Variants in TRIQK observed in about 807,000 individuals in gnomAD.
The protein encoded by TRIQK is triple QxxK/R motif containing.
Under a neutral mutation model 10.8 loss-of-function variants are expected in TRIQK, and 10 were observed. The ratio of observed to expected loss-of-function variants is 0.92; its 90% CI spans 0.57 to 1.57. The LOEUF (loss-of-function observed/expected upper bound fraction) is 1.57, where lower values mean the gene tolerates loss of function less well. Among genes scored for constraint, TRIQK ranks in the 40% most tolerant of loss-of-function variants. The pLI is 0.00. For missense variants in TRIQK, 107 were observed against 97.7 expected, an observed-to-expected ratio of 1.09 and a Z score of -0.40; for synonymous variants, 33 against 33.7, an observed-to-expected ratio of 0.98 and a Z score of 0.07.
intron 1 of TRIQK, chr8:92,965,598 C>T (rs1053377849): frequency 1.3e-5 from 2 of 152,332 alleles, no homozygotes; most frequent in African/African-American, 4.8e-5. Context: ...ACAAAGGAGC[C>T]AATCCCGAGC....
At chr8:92,918,071 T>C (rs1809963507) in intron 2 of TRIQK, among the ~76,000 whole-genome samples, 1 of 151,294 alleles carries the variant, frequency 6.6e-6, no homozygotes, top group Admixed American at 6.6e-5. Flanking sequence ...TTTATAAGGC[T>C]GAATAATATT....
intron 1 of TRIQK, among the ~76,000 whole-genome samples, chr8:92,971,714 C>T (rs774817531): frequency 1.3e-5 from 2 of 152,094 alleles, no homozygotes; most frequent in African/African-American, 2.4e-5. Flanking sequence ...TGAAAATGGC[C>T]ATATTGCCCA....
intron 1 of TRIQK, chr8:92,972,872 C>G (rs1237179613): frequency 1.3e-5 from 2 of 152,196 alleles, no homozygotes; most frequent in East Asian, 3.8e-4. Flanking sequence ...TCTACTATTG[C>G]TGTCCTGAAA....
intron 4 of TRIQK, among the ~76,000 whole-genome samples, chr8:92,890,393 GT>G (rs1816701776): frequency 6.6e-6 from 1 of 151,660 alleles, no homozygotes; most frequent in Admixed American, 6.6e-5. Flanking sequence ...TCTGCTGTCA[GT>G]TTGAAAGTTT....
At chr8:92,947,639 A>T (rs1811626138) in intron 2 of TRIQK, among the ~76,000 whole-genome samples, 1 of 146,502 alleles carries the variant, frequency 6.8e-6, no homozygotes, top group Non-Finnish European at 1.5e-5. Context: ...GCCCTTCACT[A>T]TTTTTCATTC....
intron 1 of TRIQK, among the ~76,000 whole-genome samples, chr8:92,980,931 C>T: frequency 6.7e-6 from 1 of 149,992 alleles, no homozygotes; most frequent in African/African-American, 2.4e-5. Flanking sequence ...TAATTTATTT[C>T]TGGTTTTTCT....
At chr8:93,011,195 C>G (rs957548606) in intron 1 of TRIQK, among the ~76,000 whole-genome samples, 1 of 121,880 alleles carries the variant, frequency 8.2e-6, no homozygotes, top group East Asian at 2.2e-4. Context: ...CACACACACA[C>G]ACACACACAC....
chr8:93,002,787 G>A (rs1813226939), intron 1 of TRIQK, among the ~76,000 whole-genome samples: 1 of 151,920 alleles, frequency 6.6e-6, no homozygotes, highest in South Asian at 2.1e-4. Flanking sequence ...GGGTGTGGTA[G>A]GGGGAGTCTG....
At chr8:92,971,407 G>T (rs1288159965) in intron 1 of TRIQK, among the ~76,000 whole-genome samples, 2 of 152,086 alleles carry the variant, frequency 1.3e-5, no homozygotes, top group Non-Finnish European at 2.9e-5. Flanking sequence ...CATTGTCTCA[G>T]CCCAAAAGCT....
rs1044820688 is a variant in TRIQK, at chr8:92,966,103, C to T, written c.-277G>A. 5 of 152,476 alleles carry T rather than the reference C, an allele frequency of 3.3e-5. No homozygotes were observed. Among genetic ancestry groups the T allele is most frequent in the African/African-American group, 1.2e-4 (5 of 41,484 alleles). 9.4% of individuals were successfully genotyped at this position (152,476 alleles called of 1,614,324 possible). A position where few individuals can be genotyped will look rare whatever the true frequency, so the allele number is the denominator to read the frequency against. ...ACTCAGGGGCAGGGGCGGGACAAGC[C>T]AGCCGCACACCCCTACTCCCAAAGG... On this transcript the variant is annotated 5_prime_UTR_variant, in exon 1 of 5. Coordinates refer to ENST00000521988, the MANE Select transcript of TRIQK (RefSeq NM_001171797.2).
At chr8:92,900,678 C>T (rs1808887664) in intron 3 of TRIQK, among the ~76,000 whole-genome samples, 1 of 152,008 alleles carries the variant, frequency 6.6e-6, no homozygotes, top group Non-Finnish European at 1.5e-5. Context: ...TAATGTGATT[C>T]TTCCAGTTTT....
chr8:92,970,780 T>C (rs1275197320), upstream of TRIQK, among the ~76,000 whole-genome samples: 1 of 152,198 alleles, frequency 6.6e-6, no homozygotes, highest in East Asian at 1.9e-4. Context: ...TCTTTTGCTA[T>C]GCAGAAGCTC....
At chr8:92,973,565 C>T (rs1812898225) in intron 1 of TRIQK, 2 of 152,096 alleles carry the variant, frequency 1.3e-5, no homozygotes, top group Admixed American at 1.3e-4. Context: ...AATTATTTAG[C>T]TTGCACTGAT....
chr8:92,999,941 C>G (rs1813191775), intron 1 of TRIQK, among the ~76,000 whole-genome samples: 1 of 152,088 alleles, frequency 6.6e-6, no homozygotes, highest in Non-Finnish European at 1.5e-5. Flanking sequence ...TTGTTAAAAA[C>G]TTACTCAAAT....
chr8:92,928,750 G>A (rs1203019353), intron 2 of TRIQK, among the ~76,000 whole-genome samples: 1 of 152,278 alleles, frequency 6.6e-6, no homozygotes, highest in East Asian at 1.9e-4. Flanking sequence ...GGACCAGCAA[G>A]GCCTGGTTGG....
chr8:92,886,359 C>G lies in TRIQK; in HGVS notation c.*263G>C, dbSNP rs1385377930. On this transcript the variant is annotated 3_prime_UTR_variant, in exon 5 of 5. Transcript: ENST00000521988. Reference sequence around the variant, plus strand: ...CATTTGAAAAATTTAGGATCTGGTTCCCATTTCATCTAAATGTACCATGTA... The same window carrying G: ...CATTTGAAAAATTTAGGATCTGGTTGCCATTTCATCTAAATGTACCATGTA... 4.6e-6 allele frequency: 1 copy of G among 217,944 alleles called. No individual in the cohort carries two copies. The highest frequency in any genetic ancestry group is 5.7e-5 in the Admixed American group (1 of 17,642). The allele number at this position is 217,944 out of a possible 1,614,324, so 13.5% of individuals were successfully genotyped here. A position where few individuals can be genotyped will look rare whatever the true frequency, so the allele number is the denominator to read the frequency against.
intron 3 of TRIQK, among the ~76,000 whole-genome samples, chr8:92,905,184 T>C (rs112742873): frequency 0.023 from 3,485 of 151,926 alleles, 82 homozygotes; most frequent in South Asian, 0.075. Flanking sequence ...TTTATAACTG[T>C]CCAAAATCAG....
intron 2 of TRIQK, among the ~76,000 whole-genome samples, chr8:92,917,436 A>G (rs1004897141): frequency 2.0e-5 from 3 of 152,042 alleles, no homozygotes; most frequent in Non-Finnish European, 4.4e-5. Flanking sequence ...AATCTCAAGT[A>G]TTTTGTATTT....
intron 1 of TRIQK, among the ~76,000 whole-genome samples, chr8:93,009,929 C>T (rs1813314737): frequency 6.6e-6 from 1 of 151,458 alleles, no homozygotes; most frequent in Non-Finnish European, 1.5e-5. Context: ...CAATGGTATA[C>T]TATTCAGACA....
Sources: gnomAD v4.1 joint callset for allele counts (sites outside exome capture counted in the v4.1 genomes callset) on GRCh38, gnomAD v4.1.1 for gene constraint, MANE v1.5 for transcripts, NCBI Gene and HGNC (gene_info 2026-07-23, HGNC 2026-07-21) for gene names.